AARS1: variants seen among roughly 807,000 people sequenced by gnomAD.
The protein encoded by AARS1 is alanyl-tRNA synthetase 1.
A neutral mutation model predicts 108.9 loss-of-function variants in AARS1; 72 were observed. The ratio of observed to expected loss-of-function variants is 0.66; its 90% CI spans 0.55 to 0.80. The LOEUF (loss-of-function observed/expected upper bound fraction) is 0.80, where lower values mean the gene tolerates loss of function less well. AARS1 is among the 30% of genes least tolerant of loss of function. The pLI, the probability that AARS1 is intolerant of heterozygous loss-of-function variation, is 0.00. For synonymous variants in AARS1, 489 were observed against 465.7 expected, an observed-to-expected ratio of 1.05 and a Z score of -0.64; for missense variants, 1,193 against 1,233.2, an observed-to-expected ratio of 0.97 and a Z score of 0.49.
chr16:70,270,837 C>CAAAA (rs1158290824), intron 5 of AARS1, among the ~76,000 whole-genome samples: 1 of 53,450 alleles, frequency 1.9e-5, no homozygotes, highest in Non-Finnish European at 4.0e-5. Context: ...AACTCCATCT[C>CAAAA]AAAAAAAAAA....
chr16:70,264,471 C>T (rs1015959466), intron 11 of AARS1, among the ~76,000 whole-genome samples: 3 of 151,810 alleles, frequency 2.0e-5, no homozygotes, highest in Non-Finnish European at 2.9e-5. Flanking sequence ...GGCACGCCAC[C>T]ACGCCCGGCT....
chr16:70,286,362 ATTTTTTT>A lies in AARS1; in HGVS notation c.-22+3052_-22+3058del, dbSNP rs1000406265. ...CTGTGGCTCCAGCCACTCCACAGGA[ATTTTTTT>A]TTTTTTTTTTTTTTTTTGAGACAGG... On this transcript the variant is annotated intron_variant, in intron 1 of 20. Coordinates refer to ENST00000261772, the MANE Select transcript of AARS1 (RefSeq NM_001605.3). 4.3e-4 allele frequency among the ~76,000 whole-genome samples: 50 copies of A among 117,098 alleles called. No individual in the cohort carries two copies. In the East Asian group the frequency reaches 8.5e-3, roughly 20 times the overall value. 76.8% of individuals were successfully genotyped at this position (117,098 alleles called of 152,430 possible).
Position 70,265,583 on chromosome 16 carries a change from C to A in AARS1, c.1302G>T (p.Leu434=), listed in dbSNP as rs752566988. 1 of 1,614,062 alleles carries A rather than the reference C, an allele frequency of 6.2e-7. No homozygotes were observed. The highest frequency in any genetic ancestry group is 1.1e-5 in the South Asian group (1 of 91,078). Residue 434 remains leucine (L), a synonymous_variant, in exon 10 of 21, where the codon CTG becomes CTT. Coordinates refer to ENST00000261772, the MANE Select transcript of AARS1 (RefSeq NM_001605.3). The part of the protein sequence containing the change: ...LTGLIAEEKG[L]VVDMDGFEEE... ...CTTCAAAGCCATCCATGTCTACCAC[C>A]AGGCCCTTCTCTTCAGCAATCAGTC...
intron 12 of AARS1, 99 bp from the exon 13 acceptor site, chr16:70,261,256 C>T: frequency 1.2e-6 from 1 of 829,748 alleles, no homozygotes; most frequent in South Asian, 1.4e-5. Context: ...CTTCTCTTTA[C>T]ATATGTAAAT....
intron 5 of AARS1, 50 bp from the exon 6 acceptor site, chr16:70,270,390 C>CCT: frequency 6.2e-7 from 1 of 1,606,580 alleles, no homozygotes; most frequent in Non-Finnish European, 8.5e-7. Flanking sequence ...CAAGCTGCCA[C>CCT]CTCTCCAGTC....
chr16:70,262,158 G>A (rs982486568), intron 12 of AARS1, among the ~76,000 whole-genome samples, 188 bp downstream of exon 12: 3 of 152,112 alleles, frequency 2.0e-5, no homozygotes, highest in Admixed American at 6.6e-5. Context: ...ATACTCCTAC[G>A]AGGGTACCCG....
chr16:70,264,807 T>A, intron 11 of AARS1, 151 bp downstream of exon 11: 2 of 897,996 alleles, frequency 2.2e-6, no homozygotes, highest in South Asian at 2.9e-5. Context: ...CAAGGGTGCC[T>A]ATGTGTATAA....
intron 1 of AARS1, among the ~76,000 whole-genome samples, chr16:70,286,267 G>A (rs1323494458): frequency 1.3e-5 from 2 of 151,952 alleles, no homozygotes; most frequent in Non-Finnish European, 2.9e-5. Flanking sequence ...TACAGAGGTA[G>A]CACAAAGGCA....
At chr16:70,282,414 A>G (rs1414921525) in intron 2 of AARS1, among the ~76,000 whole-genome samples, 3 of 150,426 alleles carry the variant, frequency 2.0e-5, no homozygotes, top group Admixed American at 6.7e-5. Context: ...TGTATGTGTT[A>G]TCTTATTCGC....
chr16:70,270,371 G>T (rs1229539870), intron 5 of AARS1, 31 bp from the exon 6 acceptor site: 1 of 1,613,850 alleles, frequency 6.2e-7, no homozygotes, highest in African/African-American at 1.3e-5. Flanking sequence ...GGAGGTTGAA[G>T]CAGAGACTCA....
intron 2 of AARS1, among the ~76,000 whole-genome samples, chr16:70,280,096 C>G (rs1960658719): frequency 6.6e-6 from 1 of 151,990 alleles, no homozygotes; most frequent in Admixed American, 6.6e-5. Context: ...TTTCTCTTTT[C>G]CTTTCAGACA....
rs2152158389 is a variant in AARS1, at chr16:70,265,049, A to G, written c.1401T>C (p.Ile467=). 6.2e-7 allele frequency: 1 copy of G among 1,614,146 alleles called. No individual in the cohort carries two copies. Among genetic ancestry groups the G allele is most frequent in the Admixed American group, 1.7e-5 (1 of 60,004 alleles). The change falls in exon 11 of 21, where the codon ATT becomes ATC. Residue 467 remains isoleucine (I), a synonymous_variant. Transcript: ENST00000261772. ...AGGEDLIMLD[I]YAIEELRARG... is the part of the protein sequence containing the mutation. ...GTGCCCGGAGCTCTTCGATAGCGTA[A>G]ATGTCCAGCATAATGAGGTCTTCCC... is the stretch of plus-strand genomic sequence containing the variant.
chr16:70,270,268 T>C lies in AARS1; in HGVS notation c.744A>G (p.Val248=), dbSNP rs752618189. ...IDTGMGLERL[V]SVLQNKMSNY... The stretch of plus-strand genomic sequence containing the variant: ...TGGACATCTTATTCTGCAGCACAGA[T>C]ACCAGTCGTTCCAGGCCCATCCCTG... The change falls in exon 6 of 21, where the codon GTA becomes GTG. Residue 248 remains valine (V), a synonymous_variant. Coordinates refer to ENST00000261772, the MANE Select transcript of AARS1 (RefSeq NM_001605.3). 6.5e-5 allele frequency: 105 copies of C among 1,614,184 alleles called. 1 individual carries two copies. The Admixed American group carries it at 1.6e-3, about 25-fold the overall frequency.
At chr16:70,266,752 C>T (rs1183923530) in intron 9 of AARS1, among the ~76,000 whole-genome samples, 1 of 151,926 alleles carries the variant, frequency 6.6e-6, no homozygotes, top group Admixed American at 6.6e-5. Flanking sequence ...AAATTCCTGA[C>T]CTCAGGTGAT....
chr16:70,270,139 A>G (rs1960362172), intron 6 of AARS1, 57 bp downstream of exon 6: 2 of 1,603,836 alleles, frequency 1.2e-6, no homozygotes, highest in East Asian at 4.5e-5. Flanking sequence ...AGCACTGTTA[A>G]GAGTACAGCC....
At chr16:70,284,291 G>GACCTTGTGTCAACAAA (rs1960786551) in intron 1 of AARS1, among the ~76,000 whole-genome samples, 1 of 146,340 alleles carries the variant, frequency 6.8e-6, no homozygotes, top group Admixed American at 6.9e-5. Context: ...GGGTGACAGA[G>GACCTTGTGTCAACAAA]CAAGACTCCG....
Position 70,265,600 on chromosome 16 carries a change from C to G in AARS1, c.1285G>C (p.Ala429Pro). The change falls in exon 10 of 21, where the codon GCT becomes CCT. Residue 429 changes from alanine (A) to proline (P), a missense_variant. Coordinates refer to ENST00000261772, the MANE Select transcript of AARS1 (RefSeq NM_001605.3). ...GFPVDLTGLIAEEKGLVVDMD... is the reference protein window; with the variant it reads ...GFPVDLTGLIPEEKGLVVDMD... ...TCTACCACCAGGCCCTTCTCTTCAGCAATCAGTCCAGTCAGATCCACTGGA... is the reference window on the plus strand; with the variant it reads ...TCTACCACCAGGCCCTTCTCTTCAGGAATCAGTCCAGTCAGATCCACTGGA... The G allele has an allele frequency of 6.2e-7, 1 of 1,613,968 alleles. No individual in the cohort carries two copies. Among genetic ancestry groups the G allele is most frequent in the Non-Finnish European group, 8.5e-7 (1 of 1,179,930 alleles).
intron 15 of AARS1, among the ~76,000 whole-genome samples, chr16:70,256,322 T>C: frequency 6.6e-6 from 1 of 152,208 alleles, no homozygotes; most frequent in Non-Finnish European, 1.5e-5. Context: ...TTGTTTGTTT[T>C]GAGACAGAGT....
intron 13 of AARS1, among the ~76,000 whole-genome samples, chr16:70,259,806 C>T (rs1237100205): frequency 5.3e-5 from 8 of 151,288 alleles, no homozygotes; most frequent in Admixed American, 1.3e-4. Flanking sequence ...GAGTTTCGCT[C>T]TTGTTGCCCA....
Sources: allele counts gnomAD v4.1 joint callset (sites outside exome capture counted in the v4.1 genomes callset), GRCh38; gene constraint gnomAD v4.1.1; transcripts MANE v1.5; gene names NCBI Gene and HGNC (gene_info 2026-07-23, HGNC 2026-07-21).